Variants in DGKI observed in about 807,000 individuals in gnomAD.
The protein encoded by DGKI is DAG kinase iota.
DGKI carries 55 observed loss-of-function variants against 147.5 expected under a neutral mutation model. The observed-to-expected ratio is 0.37, with a 90% CI of 0.30 to 0.47. DGKI has a LOEUF of 0.47. Among genes scored for constraint, DGKI ranks in the 20% least tolerant of loss-of-function variants. The pLI, the probability that DGKI is intolerant of heterozygous loss-of-function variation, is 1.00. For missense variants in DGKI, 1,007 were observed against 1,323.8 expected (o/e 0.76, Z 3.71); for synonymous variants, 469 against 477.1 (o/e 0.98, Z 0.22).
chr7:137,446,607 T>C (rs941047877), intron 27 of DGKI, among the ~76,000 whole-genome samples: 1 of 152,058 alleles, frequency 6.6e-6, no homozygotes, highest in Admixed American at 6.5e-5. Context: ...GTGCCTGTAA[T>C]CCCAGCTACT....
At chr7:137,482,921 T>C (rs1707356685) in intron 23 of DGKI, among the ~76,000 whole-genome samples, 1 of 152,074 alleles carries the variant, frequency 6.6e-6, no homozygotes, top group Admixed American at 6.6e-5. Flanking sequence ...CTGACACTCA[T>C]CCCTGATCAC....
At chr7:137,779,144 T>G (rs534257920) in intron 1 of DGKI, among the ~76,000 whole-genome samples, 1 of 152,034 alleles carries the variant, frequency 6.6e-6, no homozygotes, top group Non-Finnish European at 1.5e-5. Flanking sequence ...GATAGAAAAA[T>G]AGATTAACAG....
Position 137,536,323 on chromosome 7 carries a change from G to A in DGKI, c.2148-14357C>T, listed in dbSNP as rs1817519290. On this transcript the variant is annotated intron_variant, in intron 20 of 32. Coordinates refer to ENST00000614521, the MANE Select transcript of DGKI (RefSeq NM_001321708.2). ...GTAGCAACTGTGACCTTAGAAGTTA[G>A]TAGGGTGTTAAATTTGATCACAGAG... 3.3e-5 allele frequency among the ~76,000 whole-genome samples: 5 copies of A among 152,274 alleles called. No homozygotes were observed. The South Asian group carries it at 1.0e-3, about 32-fold the overall frequency.
chr7:137,536,132 T>C (rs1334417852), intron 20 of DGKI, among the ~76,000 whole-genome samples: 1 of 152,122 alleles, frequency 6.6e-6, no homozygotes, highest in Non-Finnish European at 1.5e-5. Flanking sequence ...GAGATAAATA[T>C]ACATACATAT....
At chr7:137,447,973 C>A (rs1433028081) in intron 27 of DGKI, among the ~76,000 whole-genome samples, 1 of 152,140 alleles carries the variant, frequency 6.6e-6, no homozygotes, top group East Asian at 1.9e-4. Flanking sequence ...AAAGGAAATA[C>A]CCTCTTTGAT....
At chr7:137,686,976 T>A (rs1390898632) in intron 2 of DGKI, among the ~76,000 whole-genome samples, 2 of 152,200 alleles carry the variant, frequency 1.3e-5, no homozygotes, top group Admixed American at 6.5e-5. Flanking sequence ...ACGTTTTTTT[T>A]AATCTTTTTC....
chr7:137,534,315 T>C (rs1817445185), intron 20 of DGKI, among the ~76,000 whole-genome samples: 2 of 152,190 alleles, frequency 1.3e-5, no homozygotes, highest in South Asian at 2.1e-4. Context: ...GTTATAATGG[T>C]CGGTCCAAAA....
chr7:137,397,473 G>A, intron 30 of DGKI, 60 bp from the exon 31 acceptor site: 1 of 1,534,530 alleles, frequency 6.5e-7, no homozygotes, highest in Non-Finnish European at 8.9e-7. Context: ...AACATTAACA[G>A]AAAATCTATA....
At chr7:137,409,380 T>A (rs1287995593) in intron 29 of DGKI, among the ~76,000 whole-genome samples, 1 of 152,106 alleles carries the variant, frequency 6.6e-6, no homozygotes, top group East Asian at 1.9e-4. Context: ...TCACAGCCCA[T>A]GGTGGAGACG....
At position 137,487,667 on chromosome 7, in the gene DGKI, A is replaced by T; in HGVS notation, c.2271T>A (p.Val757=). 1 of 1,613,808 alleles carries T rather than the reference A, an allele frequency of 6.2e-7. No homozygotes were observed. Among genetic ancestry groups the T allele is most frequent in the South Asian group, 1.1e-5 (1 of 91,070 alleles). ...REASIPLGIL[V]VRGDCDLETC... ...TCTCCAAATCACAGTCTCCACGCAC[A>T]ACTAGAATACCCAGAGGTATCGCTA... The change falls in exon 22 of 33, where the codon GTT becomes GTA. Residue 757 remains valine, a synonymous_variant. Coordinates refer to ENST00000614521, the MANE Select transcript of DGKI (RefSeq NM_001321708.2).
At chr7:137,808,189 A>G (rs909638830) in intron 1 of DGKI, among the ~76,000 whole-genome samples, 1 of 152,236 alleles carries the variant, frequency 6.6e-6, no homozygotes, top group Non-Finnish European at 1.5e-5. Flanking sequence ...TCCAGTAAAA[A>G]AGTCAGGTGT....
At chr7:137,613,076 C>G in intron 8 of DGKI, among the ~76,000 whole-genome samples, 1 of 152,124 alleles carries the variant, frequency 6.6e-6, no homozygotes, top group African/African-American at 2.4e-5. Flanking sequence ...GAAATAGTTA[C>G]GGGTAAATCA....
intron 28 of DGKI, among the ~76,000 whole-genome samples, chr7:137,439,589 T>G (rs918435371): frequency 1.3e-5 from 2 of 152,114 alleles, no homozygotes; most frequent in African/African-American, 2.4e-5. Flanking sequence ...CCTTGACACA[T>G]GGGGATTATT....
At chr7:137,571,933 T>C (rs1398663822) in intron 18 of DGKI, among the ~76,000 whole-genome samples, 2 of 152,158 alleles carry the variant, frequency 1.3e-5, no homozygotes, top group Non-Finnish European at 2.9e-5. Context: ...TAATAAACAA[T>C]GCTTTCTGAG....
chr7:137,713,792 T>C (rs1311918044), intron 1 of DGKI, among the ~76,000 whole-genome samples: 2 of 152,068 alleles, frequency 1.3e-5, no homozygotes, highest in African/African-American at 2.4e-5. Flanking sequence ...CAGGCATACA[T>C]CACCATCTCT....
intron 21 of DGKI, among the ~76,000 whole-genome samples, chr7:137,500,921 A>G (rs185439078): frequency 6.6e-6 from 1 of 152,262 alleles, no homozygotes; most frequent in Non-Finnish European, 1.5e-5. Flanking sequence ...ACAATAAATT[A>G]TTATTAACTA....
chr7:137,682,771 T>A (rs1411826570), intron 2 of DGKI, among the ~76,000 whole-genome samples: 2 of 152,212 alleles, frequency 1.3e-5, no homozygotes, highest in Non-Finnish European at 2.9e-5. Context: ...CATTAAATCC[T>A]CCCACATACA....
intron 27 of DGKI, among the ~76,000 whole-genome samples, chr7:137,457,136 G>A (rs1163916812): frequency 1.3e-5 from 2 of 152,142 alleles, no homozygotes; most frequent in Admixed American, 6.5e-5. Flanking sequence ...AGTATCCGGG[G>A]TGAGCAAGAT....
rs941107626 is a variant in DGKI at position 137,777,034 on chromosome 7, T to A, written c.401+69428A>T. On this transcript the variant is annotated intron_variant, in intron 1 of 32. Coordinates refer to ENST00000614521, the MANE Select transcript of DGKI (RefSeq NM_001321708.2). ...ACCCTGTTTCTACCAAAAAAAAAAA[T>A]TTTTTTTAATTAGCTGGGCATGGTG... Among the ~76,000 whole-genome samples, 74 of 150,768 alleles carry A rather than the reference T, an allele frequency of 4.9e-4. 1 individual carries two copies. The highest frequency in any genetic ancestry group is 1.5e-3 in the South Asian group (7 of 4,716).
Sources: allele counts gnomAD v4.1 joint callset (sites outside exome capture counted in the v4.1 genomes callset), GRCh38; gene constraint gnomAD v4.1.1; transcripts MANE v1.5; gene names NCBI Gene and HGNC (gene_info 2026-07-23, HGNC 2026-07-21).